PCSK7: variants seen among roughly 807,000 people sequenced by gnomAD.
PCSK7 encodes the protein lymphoma proprotein convertase.
PCSK7 carries 38 observed loss-of-function variants against 73.3 expected under a neutral mutation model. The ratio of observed to expected loss-of-function variants is 0.52; its 90% confidence interval spans 0.40 to 0.68. The LOEUF is 0.68. Ranked by LOEUF, PCSK7 falls within the 30% of genes least tolerant of loss-of-function variation. The pLI is 0.00. For missense variants in PCSK7, 692 were observed against 991.5 expected (o/e 0.70, Z 4.06); for synonymous variants, 296 against 383.8 (o/e 0.77, Z 2.68).
Position 117,228,348 on chromosome 11 carries a change from A to G in PCSK7, c.471T>C (p.Asn157=). Residue 157 remains asparagine (N), a splice_region_variant and synonymous_variant, in exon 4 of 17, where the codon AAT becomes AAC. Transcript: ENST00000320934. ...TGTCCCTGCCCGGGCTCCGTCGGTT[A>G]TTCTGTAAGAGAGACAGGATGGGAA... ...DPKYPQQWHL[N]NRRSPGRDIN... 1 of 1,613,896 alleles carries G rather than the reference A, an allele frequency of 6.2e-7. No homozygotes were observed. The highest frequency in any genetic ancestry group is 8.5e-7 in the Non-Finnish European group (1 of 1,179,796).
At chr11:117,217,650 G>A (rs905976595) in intron 12 of PCSK7, 4 of 152,294 alleles carry the variant, frequency 2.6e-5, no homozygotes, top group Admixed American at 2.0e-4. Flanking sequence ...GCTCTCAATT[G>A]ATCACTTTCT....
At chr11:117,217,425 G>A (rs2032030221) in intron 12 of PCSK7, 1 of 152,266 alleles carries the variant, frequency 6.6e-6, no homozygotes, top group Non-Finnish European at 1.5e-5. Context: ...TGACTTGGCT[G>A]ACGCTTTATG....
intron 12 of PCSK7, chr11:117,215,380 G>GTGTGTGTGTGTGTGTATA (rs1164738557): frequency 5.4e-5 from 3 of 55,894 alleles, no homozygotes; most frequent in Non-Finnish European, 5.6e-5. Flanking sequence ...GTGTGTGTGT[G>GTGTGTGTGTGTGTGTATA]TATATATATA....
intron 2 of PCSK7, 199 bp from the exon 3 acceptor site, chr11:117,230,055 G>T (rs962150296): frequency 2.5e-5 from 13 of 516,222 alleles, no homozygotes; most frequent in African/African-American, 2.5e-4. Flanking sequence ...TGGAGTGTGG[G>T]CCAGCACTAA....
rs1457499977 is a variant in PCSK7 at position 117,229,303 on chromosome 11, A to G, written c.468+74T>C. The stretch of plus-strand genomic sequence containing the variant: ...AGGATGGAGGTGACTGAAGAGTGAT[A>G]TAGTCAAAAGCCCATTAAAGAACTG... On this transcript the variant is annotated intron_variant, in intron 3 of 16. Coordinates refer to ENST00000320934, the MANE Select transcript of PCSK7 (RefSeq NM_004716.4). The G allele has an allele frequency of 3.6e-6, 4 of 1,106,972 alleles. No homozygotes were observed. The East Asian group carries it at 7.1e-5, about 20-fold the overall frequency. 68.6% of individuals were successfully genotyped at this position (1,106,972 alleles called of 1,614,324 possible). A position where few individuals can be genotyped will look rare whatever the true frequency, so the allele number is the denominator to read the frequency against.
intron 12 of PCSK7, chr11:117,217,399 T>C (rs1404973554): frequency 2.0e-5 from 3 of 152,220 alleles, no homozygotes; most frequent in Non-Finnish European, 4.4e-5. Context: ...TTCCTGGAAA[T>C]GTTTCTGAAC....
rs1257733679 is a variant in PCSK7, at chr11:117,204,637, G to A, written c.*1360C>T. The A allele has an allele frequency of 1.9e-5, 10 of 529,470 alleles. 1 individual carries two copies. Among genetic ancestry groups the A allele is most frequent in the Admixed American group, 1.1e-4 (4 of 35,520 alleles). 32.8% of individuals were successfully genotyped at this position (529,470 alleles called of 1,614,324 possible). ...TCCCTGGGCTAAGCAGGGGAGAAGC[G>A]GGCTGGGGGTAGCCTGGATGTGGGC... On this transcript the variant is annotated 3_prime_UTR_variant, in exon 17 of 17. Coordinates refer to ENST00000320934, the MANE Select transcript of PCSK7 (RefSeq NM_004716.4).
chr11:117,227,970 GC>G, intron 4 of PCSK7, among the ~76,000 whole-genome samples: 1 of 152,296 alleles, frequency 6.6e-6, no homozygotes, highest in Middle Eastern at 3.4e-3. Context: ...GAGGGAAGTT[GC>G]CTGCAGGGGC....
At chr11:117,228,144 G>A (rs1194258520) in intron 4 of PCSK7, 72 bp downstream of exon 4, 61 of 1,483,194 alleles carry the variant, frequency 4.1e-5, no homozygotes, top group Non-Finnish European at 3.5e-5. Flanking sequence ...TAGAAAAGGG[G>A]ACAAGACTGA....
intron 12 of PCSK7, chr11:117,215,073 A>T (rs928312852): frequency 6.6e-6 from 1 of 152,138 alleles, no homozygotes; most frequent in Non-Finnish European, 1.5e-5. Context: ...GTCAGCGGGG[A>T]GAGAGAAAAA....
chr11:117,221,297 G>A (rs2032180704), intron 9 of PCSK7: 1 of 152,270 alleles, frequency 6.6e-6, no homozygotes, highest in South Asian at 2.1e-4. Flanking sequence ...CCAAGTGGTT[G>A]TCTCAATGAG....
Position 117,219,027 on chromosome 11 carries a change from G to C in PCSK7, c.1431+30C>G. 2.0e-6 allele frequency: 3 copies of C among 1,513,140 alleles called. No individual in the cohort carries two copies. The African/African-American group carries it at 4.1e-5, about 21-fold the overall frequency. 93.7% of individuals were successfully genotyped at this position (1,513,140 alleles called of 1,614,324 possible). On this transcript the variant is annotated intron_variant, in intron 11 of 16. Coordinates refer to ENST00000320934, the MANE Select transcript of PCSK7 (RefSeq NM_004716.4). ...CTCCGACCCTTGGTCACTCCACACA[G>C]GGCACCCTGCCCTGCCAACACCTGT...
At chr11:117,226,844 G>GGGGAGCT in intron 5 of PCSK7, 1 of 251,400 alleles carries the variant, frequency 4.0e-6, no homozygotes, top group Non-Finnish European at 7.5e-6. Context: ...ACTGGGAGCT[G>GGGGAGCT]GGGAGCTGGG....
rs146436554 is a variant in PCSK7 at position 117,223,243 on chromosome 11, T to C, written c.1120A>G (p.Thr374Ala). ...AGCATCTTGTCCCCACCACTGAAGG[T>C]GACTGCCAGCATGGAGGCACATTCT... ...AEECASMLAV[T>A]FSGGDKMLRS... The change falls in exon 9 of 17, where the codon ACC becomes GCC. Residue 374 changes from threonine to alanine, a missense_variant. Thr to Ala is a moderately conservative substitution (Grantham distance 58). This residue lies in a region of PCSK7 where 574 missense variants were observed against 689.8 expected (regional missense o/e 0.83). Coordinates refer to ENST00000320934, the MANE Select transcript of PCSK7 (RefSeq NM_004716.4). 1.3e-5 allele frequency: 21 copies of C among 1,613,536 alleles called. No homozygotes were observed. Among genetic ancestry groups the C allele is most frequent in the Non-Finnish European group, 1.8e-5 (21 of 1,179,630 alleles).
At chr11:117,223,349 G>A in intron 8 of PCSK7, 41 bp from the exon 9 acceptor site, 1 of 1,229,186 alleles carries the variant, frequency 8.1e-7, no homozygotes, top group Non-Finnish European at 1.2e-6. Context: ...GATGCAGAGG[G>A]GGTCCTGTGG....
chr11:117,219,315 CA>C, intron 10 of PCSK7, 151 bp from the exon 11 acceptor site: 1 of 669,722 alleles, frequency 1.5e-6, no homozygotes, highest in Non-Finnish European at 2.5e-6. Context: ...CAAGCTGGGA[CA>C]AAAGGTCAAA....
intron 12 of PCSK7, 52 bp from the exon 13 acceptor site, chr11:117,209,105 C>T (rs2134284933): frequency 8.0e-7 from 1 of 1,247,054 alleles, no homozygotes; most frequent in African/African-American, 1.6e-5. Context: ...AACACGCCTT[C>T]ACTTCACCCC....
rs2031353586 is a variant in PCSK7, at chr11:117,206,049, C to T, written c.2306G>A (p.Cys769Tyr). Residue 769 changes from cysteine (C) to tyrosine (Y), a missense_variant, in exon 17 of 17, where the codon TGC becomes TAC. Coordinates refer to ENST00000320934, the MANE Select transcript of PCSK7 (RefSeq NM_004716.4). ...SLSQNKSALD[C>Y]PHQHLDVPHG... The stretch of plus-strand genomic sequence containing the variant: ...CGGTACGTCTAGGTGCTGATGAGGG[C>T]AGTCCAGGGCGCTCTTGTTCTGGGA... The T allele has an allele frequency of 1.5e-6, 2 of 1,360,756 alleles. No individual in the cohort carries two copies. Among genetic ancestry groups the T allele is most frequent in the East Asian group, 4.8e-5 (2 of 41,558 alleles). 84.3% of individuals were successfully genotyped at this position (1,360,756 alleles called of 1,614,324 possible).
rs972422223 is a variant in PCSK7 at position 117,223,224 on chromosome 11, T to G, written c.1139A>C (p.Lys380Thr). The G allele has an allele frequency of 1.2e-6, 2 of 1,611,440 alleles. No individual in the cohort carries two copies. Among genetic ancestry groups the G allele is most frequent in the Non-Finnish European group, 1.7e-6 (2 of 1,177,682 alleles). ...GGCACTCACAATGCTCCGAAGCATC[T>G]TGTCCCCACCACTGAAGGTGACTGC... The part of the protein sequence containing the change: ...MLAVTFSGGD[K>T]MLRSIVTTDW... Residue 380 changes from lysine (K) to threonine (T), a missense_variant, in exon 9 of 17, where the codon AAG (lysine) becomes ACG (threonine). Lys to Thr is a moderately conservative substitution (Grantham distance 78, BLOSUM62 -1). Coordinates refer to ENST00000320934, the MANE Select transcript of PCSK7 (RefSeq NM_004716.4).
Sources: allele counts gnomAD v4.1 joint callset (sites outside exome capture counted in the v4.1 genomes callset), GRCh38; gene constraint gnomAD v4.1.1; regional missense constraint gnomAD v4.1.1; transcripts MANE v1.5; gene names NCBI Gene and HGNC (gene_info 2026-07-23, HGNC 2026-07-21).